SOX6: variants seen among roughly 807,000 people sequenced by gnomAD.
The protein encoded by SOX6 is transcription factor SOX-6.
A neutral mutation model predicts 97.8 loss-of-function variants in SOX6; 11 were observed. The observed-to-expected ratio is 0.11, with a 90% CI of 0.07 to 0.19. The LOEUF is 0.19. Ranked by LOEUF, SOX6 falls within the 10% of genes least tolerant of loss-of-function variation. The probability of loss-of-function intolerance (pLI) is 1.00; values close to 1 mark genes in which losing one functional copy is unlikely to be tolerated. For missense variants in SOX6, 810 were observed against 1,039.5 expected, an observed-to-expected ratio of 0.78 and a Z score of 3.04; for synonymous variants, 360 against 371.4, an observed-to-expected ratio of 0.97 and a Z score of 0.35.
chr11:16,045,705 G>C (rs979240718), intron 12 of SOX6, among the ~76,000 whole-genome samples: 1 of 152,034 alleles, frequency 6.6e-6, no homozygotes, highest in Non-Finnish European at 1.5e-5. Flanking sequence ...ATCATTCCTA[G>C]TGCCTAGAAT....
chr11:16,089,297 A>G (rs749287156), intron 9 of SOX6, among the ~76,000 whole-genome samples: 3 of 152,112 alleles, frequency 2.0e-5, no homozygotes, highest in Non-Finnish European at 4.4e-5. Context: ...CCGGGGGGAA[A>G]GCGTTAAATT....
chr11:16,632,278 GT>G (rs1264996799), intron 3 of SOX6, among the ~76,000 whole-genome samples: 1 of 152,102 alleles, frequency 6.6e-6, no homozygotes, highest in Non-Finnish European at 1.5e-5. Context: ...ATTACTGGGG[GT>G]TTTTTCTTTC....
intron 4 of SOX6, among the ~76,000 whole-genome samples, chr11:16,514,005 G>T (rs1054954913): frequency 3.3e-5 from 5 of 151,770 alleles, no homozygotes; most frequent in Admixed American, 3.3e-4. Context: ...GAGCACAGGA[G>T]TTTGAGACCA....
At chr11:16,276,109 T>C (rs1325550633) in intron 3 of SOX6, among the ~76,000 whole-genome samples, 5 of 152,158 alleles carry the variant, frequency 3.3e-5, no homozygotes, top group Admixed American at 3.3e-4. Context: ...AGCTAATATA[T>C]AGTAGAAGTA....
intron 1 of SOX6, among the ~76,000 whole-genome samples, chr11:16,418,330 A>C (rs531234602): frequency 1.1e-3 from 175 of 152,290 alleles, no homozygotes; most frequent in African/African-American, 4.1e-3. Context: ...TATAAAAAGG[A>C]AAACAGCCTA....
chr11:16,647,598 C>G (rs1307181451), intron 3 of SOX6, among the ~76,000 whole-genome samples: 1 of 152,110 alleles, frequency 6.6e-6, no homozygotes, highest in Non-Finnish European at 1.5e-5. Context: ...AAGAAATGTA[C>G]TAGAAAAACC....
chr11:16,534,437 A>C (rs1235798621), intron 4 of SOX6, among the ~76,000 whole-genome samples: 1 of 152,146 alleles, frequency 6.6e-6, no homozygotes, highest in African/African-American at 2.4e-5. Flanking sequence ...CTTGTATATA[A>C]AATGAACTTG....
At chr11:16,196,990 C>T (rs144851722) in intron 4 of SOX6, among the ~76,000 whole-genome samples, 1,608 of 151,908 alleles carry the variant, frequency 0.011, 28 homozygotes, top group African/African-American at 0.037. Flanking sequence ...CCTGCCACCA[C>T]GCCTGGCTAA....
intron 3 of SOX6, among the ~76,000 whole-genome samples, chr11:16,648,163 G>A (rs1849041406): frequency 6.6e-6 from 1 of 152,142 alleles, no homozygotes; most frequent in Non-Finnish European, 1.5e-5. Flanking sequence ...CTGGGGTAAG[G>A]TTTCAGCATG....
chr11:16,347,609 T>C (rs1181204073), intron 1 of SOX6, among the ~76,000 whole-genome samples: 5 of 152,070 alleles, frequency 3.3e-5, no homozygotes, highest in Non-Finnish European at 7.4e-5. Context: ...ATTTTTTAAG[T>C]GAATAAACAG....
At chr11:16,693,191 T>C (rs549124670) in intron 3 of SOX6, among the ~76,000 whole-genome samples, 1 of 152,326 alleles carries the variant, frequency 6.6e-6, no homozygotes, top group East Asian at 1.9e-4. Flanking sequence ...GTTGTACCAA[T>C]TCTTAGTCCC....
At chr11:16,175,700 T>C (rs1007838712) in intron 6 of SOX6, among the ~76,000 whole-genome samples, 1 of 151,948 alleles carries the variant, frequency 6.6e-6, no homozygotes, top group African/African-American at 2.4e-5. Context: ...TTGATGTTTG[T>C]GTTAAAATTT....
At chr11:16,606,230 CTTTTTTT>C (rs5789958) in intron 4 of SOX6, among the ~76,000 whole-genome samples, 1 of 144,288 alleles carries the variant, frequency 6.9e-6, no homozygotes, top group African/African-American at 2.6e-5. Context: ...CCTCTTTTTT[CTTTTTTT>C]TTTTTCCTTT....
intron 3 of SOX6, among the ~76,000 whole-genome samples, chr11:16,306,304 T>C (rs1051537646): frequency 1.3e-5 from 2 of 152,176 alleles, no homozygotes; most frequent in Non-Finnish European, 2.9e-5. Flanking sequence ...AAAATTTCAA[T>C]TTAAAAAAGA....
At chr11:16,055,602 A>C in intron 10 of SOX6, 150 bp downstream of exon 10, 1 of 876,464 alleles carries the variant, frequency 1.1e-6, no homozygotes, top group Non-Finnish European at 1.8e-6. Flanking sequence ...CTCAATGCTC[A>C]ATTATGAAAT....
chr11:16,688,835 G>A (rs531906691), intron 3 of SOX6, among the ~76,000 whole-genome samples: 4 of 152,266 alleles, frequency 2.6e-5, no homozygotes, highest in Admixed American at 6.5e-5. Flanking sequence ...TACCTTGATG[G>A]GTGTTGGATG....
intron 3 of SOX6, among the ~76,000 whole-genome samples, chr11:16,713,262 A>G (rs1848194496): frequency 6.6e-6 from 1 of 152,250 alleles, no homozygotes; most frequent in Non-Finnish European, 1.5e-5. Context: ...ATAAAAAACT[A>G]GAAAAAAATA....
chr11:16,235,295 A>G (rs960892744), intron 3 of SOX6, among the ~76,000 whole-genome samples: 36 of 152,064 alleles, frequency 2.4e-4, no homozygotes, highest in African/African-American at 7.2e-4. Flanking sequence ...TATAAATGCC[A>G]TTTATTATTT....
At chr11:16,118,939 G>A (rs1590208053) in intron 6 of SOX6, among the ~76,000 whole-genome samples, 1 of 152,122 alleles carries the variant, frequency 6.6e-6, no homozygotes, top group Non-Finnish European at 1.5e-5. Flanking sequence ...TGTTTCCAAT[G>A]TGTGTATACC....
Sources: gnomAD v4.1 joint callset for allele counts (sites outside exome capture counted in the v4.1 genomes callset) on GRCh38, gnomAD v4.1.1 for gene constraint, MANE v1.5 for transcripts, NCBI Gene and HGNC (gene_info 2026-07-23, HGNC 2026-07-21) for gene names.